The following MARCHF3 variants were observed in gnomAD, a reference collection of about 807,000 sequenced individuals.
MARCHF3 encodes E3 ubiquitin-protein ligase MARCHF3.
A neutral mutation model predicts 24.2 loss-of-function variants in MARCHF3; 13 were observed. The ratio of observed to expected loss-of-function variants is 0.54; its 90% CI spans 0.35 to 0.85. The LOEUF (loss-of-function observed/expected upper bound fraction) is 0.85, where lower values mean the gene tolerates loss of function less well. Among genes scored for constraint, MARCHF3 ranks in the 40% least tolerant of loss-of-function variants. MARCHF3 has a pLI of 0.01. For synonymous variants in MARCHF3, 144 were observed against 137.3 expected (o/e 1.05, Z -0.34); for missense variants, 276 against 325.0 (o/e 0.85, Z 1.16).
chr5:126,927,823 C>A (rs1233486611), intron 1 of MARCHF3, among the ~76,000 whole-genome samples: 1 of 152,052 alleles, frequency 6.6e-6, no homozygotes, highest in Non-Finnish European at 1.5e-5. Flanking sequence ...AGGCCCAGCC[C>A]TGCCAAAAAT....
rs533060493 is a variant in MARCHF3, at chr5:126,934,253, A to G, written c.-56-16026T>C. Reference sequence around the variant, plus strand: ...AGTGCTTGGCATATAATGGGCACTTAAGCATATTTGCTGACTCACTAAATG... The same window carrying G: ...AGTGCTTGGCATATAATGGGCACTTGAGCATATTTGCTGACTCACTAAATG... On this transcript the variant is annotated intron_variant, in intron 1 of 4. Coordinates refer to ENST00000308660, the MANE Select transcript of MARCHF3 (RefSeq NM_178450.5). Among the ~76,000 whole-genome samples the G allele has an allele frequency of 5.9e-5, 9 of 152,292 alleles. No homozygotes were observed. In the South Asian group the frequency reaches 8.3e-4, roughly 14 times the overall value.
chr5:126,922,544 AT>A lies in MARCHF3; in HGVS notation c.-56-4318del, dbSNP rs759403513. Among the ~76,000 whole-genome samples, 209 of 144,826 alleles carry A rather than the reference AT, an allele frequency of 1.4e-3. 1 individual carries two copies. Among genetic ancestry groups the A allele is most frequent in the African/African-American group, 5.2e-3 (200 of 38,828 alleles). ...TATTTATTTATTTATTTATTTATTT[AT>A]TTATTTATTATTTATTTTTGAGTCG... is the stretch of plus-strand genomic sequence containing the variant. On this transcript the variant is annotated intron_variant, in intron 1 of 4. Coordinates refer to ENST00000308660, the MANE Select transcript of MARCHF3 (RefSeq NM_178450.5).
chr5:126,905,438 T>C (rs1436660707), intron 3 of MARCHF3, among the ~76,000 whole-genome samples: 5 of 146,810 alleles, frequency 3.4e-5, no homozygotes, highest in Non-Finnish European at 7.5e-5. Flanking sequence ...TGATTCTTCC[T>C]ACCCATGAGC....
chr5:126,976,554 A>G (rs1283467435), intron 1 of MARCHF3, among the ~76,000 whole-genome samples: 1 of 151,996 alleles, frequency 6.6e-6, no homozygotes, highest in African/African-American at 2.4e-5. Flanking sequence ...TTTCCTTTCT[A>G]TCTATCTAGA....
chr5:126,984,014 G>A (rs1751480861), intron 1 of MARCHF3, among the ~76,000 whole-genome samples: 1 of 152,058 alleles, frequency 6.6e-6, no homozygotes, highest in South Asian at 2.1e-4. Flanking sequence ...ACCTGCTTGT[G>A]ATCTACAGCT....
At chr5:126,992,200 G>C (rs1751787947) in intron 1 of MARCHF3, among the ~76,000 whole-genome samples, 2 of 152,126 alleles carry the variant, frequency 1.3e-5, no homozygotes, top group African/African-American at 4.8e-5. Context: ...CAAATCTGTA[G>C]CTCGAAACAA....
At chr5:126,967,995 G>A (rs917134174) in intron 1 of MARCHF3, among the ~76,000 whole-genome samples, 11 of 151,990 alleles carry the variant, frequency 7.2e-5, no homozygotes, top group African/African-American at 1.9e-4. Context: ...CACCAGCCCC[G>A]GGCAACCACT....
At chr5:126,977,599 A>T (rs1751245985) in intron 1 of MARCHF3, among the ~76,000 whole-genome samples, 1 of 152,238 alleles carries the variant, frequency 6.6e-6, no homozygotes, top group African/African-American at 2.4e-5. Flanking sequence ...AGCAATAACT[A>T]CTAAATATTA....
At chr5:126,946,784 G>GTGTGTGTGTGTC (rs1750030760) in intron 1 of MARCHF3, among the ~76,000 whole-genome samples, 2 of 151,430 alleles carry the variant, frequency 1.3e-5, no homozygotes, top group East Asian at 1.9e-4. Context: ...GTGTGTGTGT[G>GTGTGTGTGTGTC]TGTGTGTGTG....
chr5:126,933,608 C>T (rs1485881417), intron 1 of MARCHF3, among the ~76,000 whole-genome samples: 1 of 152,144 alleles, frequency 6.6e-6, no homozygotes, highest in African/African-American at 2.4e-5. Flanking sequence ...CCACGCTCGG[C>T]TAATTTTTTG....
chr5:126,955,470 A>G (rs539659774), intron 1 of MARCHF3, among the ~76,000 whole-genome samples: 2 of 152,352 alleles, frequency 1.3e-5, no homozygotes, highest in Admixed American at 1.3e-4. Flanking sequence ...ATCCGGCCCA[A>G]TATTTGGACA....
At chr5:126,952,190 A>T (rs968776510) in intron 1 of MARCHF3, among the ~76,000 whole-genome samples, 1 of 152,142 alleles carries the variant, frequency 6.6e-6, no homozygotes, top group Non-Finnish European at 1.5e-5. Context: ...ATCTAGGCCC[A>T]CTACCCTGTA....
At chr5:126,891,742 T>C (rs1324174468) in intron 3 of MARCHF3, among the ~76,000 whole-genome samples, 1 of 143,812 alleles carries the variant, frequency 7.0e-6, no homozygotes, top group Non-Finnish European at 1.5e-5. Context: ...AGCTTTGTTC[T>C]TTTGGCTTAG....
intron 3 of MARCHF3, among the ~76,000 whole-genome samples, chr5:126,912,522 ATAAAG>A (rs1754573746): frequency 6.6e-6 from 1 of 152,202 alleles, no homozygotes; most frequent in Non-Finnish European, 1.5e-5. Context: ...AAACTGAGAA[ATAAAG>A]TAACACTAAT....
intron 1 of MARCHF3, among the ~76,000 whole-genome samples, chr5:126,993,422 T>C (rs958171966): frequency 3.9e-5 from 6 of 152,184 alleles, no homozygotes; most frequent in African/African-American, 1.4e-4. Context: ...ATGTTGATAC[T>C]ACTCCTTTCT....
At chr5:126,925,210 C>T (rs1380809209) in intron 1 of MARCHF3, among the ~76,000 whole-genome samples, 1 of 151,746 alleles carries the variant, frequency 6.6e-6, no homozygotes, top group Non-Finnish European at 1.5e-5. Context: ...ATGTATAAGC[C>T]CCAGTGATGA....
chr5:126,995,606 C>A (rs571167860), intron 1 of MARCHF3, among the ~76,000 whole-genome samples: 3 of 152,306 alleles, frequency 2.0e-5, no homozygotes, highest in African/African-American at 7.2e-5. Flanking sequence ...TTATTTTTGG[C>A]TGAACAATAT....
rs533655473 is a variant in MARCHF3, at chr5:126,870,477, G to A, written c.*156C>T. 5 of 574,750 alleles carry A rather than the reference G, an allele frequency of 8.7e-6. No homozygotes were observed. In the South Asian group the frequency reaches 8.8e-5, roughly 10 times the overall value. The allele number at this position is 574,750 out of a possible 1,614,324, so 35.6% of individuals were successfully genotyped here. On this transcript the variant is annotated 3_prime_UTR_variant, in exon 5 of 5. Transcript: ENST00000308660. ...AAAACAGCATTTGCTTTCTTCTGGC[G>A]GAGGTTGTTGCTTGGAGTGATGTGC...
At position 126,897,637 on chromosome 5, in the gene MARCHF3, A is replaced by G. The variant is rs560883027; in HGVS notation, c.393+17293T>C. On this transcript the variant is annotated intron_variant, in intron 3 of 4. Coordinates refer to ENST00000308660, the MANE Select transcript of MARCHF3 (RefSeq NM_178450.5). ...TGATATCCATAAAAGAAGAAAGTAA[A>G]AGATGAACAGTGACAGGGAGAAAGC... 7.2e-5 allele frequency among the ~76,000 whole-genome samples: 11 copies of G among 152,200 alleles called. No homozygotes were observed. The East Asian group carries it at 2.1e-3, about 29-fold the overall frequency.
Sources: gnomAD v4.1 joint callset for allele counts (sites outside exome capture counted in the v4.1 genomes callset) on GRCh38, gnomAD v4.1.1 for gene constraint, MANE v1.5 for transcripts, NCBI Gene and HGNC (gene_info 2026-07-23, HGNC 2026-07-21) for gene names.